PPP4R1: variants seen among roughly 807,000 people sequenced by gnomAD.
PPP4R1 encodes protein phosphatase 4 regulatory subunit 1.
PPP4R1 carries 42 observed loss-of-function variants against 111.2 expected under a neutral mutation model. The ratio of observed to expected loss-of-function variants is 0.38; its 90% CI spans 0.29 to 0.49. The LOEUF (loss-of-function observed/expected upper bound fraction) is 0.49, where lower values mean the gene tolerates loss of function less well. PPP4R1 is among the 20% of genes least tolerant of loss of function. The pLI is 0.97. For missense variants in PPP4R1, 1,012 were observed against 1,161.6 expected, an observed-to-expected ratio of 0.87 and a Z score of 1.87; for synonymous variants, 409 against 405.5, an observed-to-expected ratio of 1.01 and a Z score of -0.10.
chr18:9,561,367 T>C (rs1420718943), intron 13 of PPP4R1, among the ~76,000 whole-genome samples: 1 of 152,096 alleles, frequency 6.6e-6, no homozygotes, highest in African/African-American at 2.4e-5. Context: ...CAGTGCCTTC[T>C]TACGATGGAG....
chr18:9,579,335 C>A (rs1174694760), intron 9 of PPP4R1, among the ~76,000 whole-genome samples: 7 of 151,978 alleles, frequency 4.6e-5, no homozygotes, highest in Admixed American at 4.6e-4. Context: ...ACTAAAAAAC[C>A]CACAAGTCAC....
Position 9,584,786 on chromosome 18 carries a change from C to G in PPP4R1, c.628G>C (p.Glu210Gln). 6.2e-7 allele frequency: 1 copy of G among 1,613,506 alleles called. No homozygotes were observed. The change falls in exon 7 of 20, where the codon GAG becomes CAG. Residue 210 changes from glutamate to glutamine, a missense_variant. Physicochemically the swap from Glu to Gln is conservative, Grantham distance 29. Transcript: ENST00000400556. ...MAPMVGKDIT[E>Q]RLILPRFCEM... is the part of the protein sequence containing the mutation. ...CAAAACCTAGGGAGGATAAGACGCT[C>G]TGTAATATCCTTCCCAACCATGGGA... is the stretch of plus-strand genomic sequence containing the variant.
At chr18:9,579,023 A>G (rs1451356143) in intron 9 of PPP4R1, among the ~76,000 whole-genome samples, 1 of 152,208 alleles carries the variant, frequency 6.6e-6, no homozygotes, top group Non-Finnish European at 1.5e-5. Flanking sequence ...ACAGTGTCTA[A>G]TAAGTTAATT....
intron 2 of PPP4R1, among the ~76,000 whole-genome samples, chr18:9,601,479 T>G (rs2067382103): frequency 6.6e-6 from 1 of 152,062 alleles, no homozygotes; most frequent in Non-Finnish European, 1.5e-5. Context: ...TGAGCCAAGA[T>G]GGCACTGCTG....
chr18:9,614,496 C>T lies in PPP4R1; in HGVS notation c.-12G>A. The T allele has an allele frequency of 1.9e-6, 2 of 1,028,680 alleles. No homozygotes were observed. The highest frequency in any genetic ancestry group is 2.3e-6 in the Non-Finnish European group (2 of 859,056). The allele number at this position is 1,028,680 out of a possible 1,614,324, so 63.7% of individuals were successfully genotyped here. ...CACGTACCCGCCATCTTGTGGTCGC[C>T]CCCTCCTCCGCGGCCGCCCGGGGAG... On this transcript the variant is annotated 5_prime_UTR_variant, in exon 1 of 20. Coordinates refer to ENST00000400556, the MANE Select transcript of PPP4R1 (RefSeq NM_001042388.3). This position sits in a 1 kb window ranked among gnomAD's most constrained non-coding sequence, Gnocchi z 4.1.
chr18:9,560,854 C>T (rs2066662504), intron 13 of PPP4R1, among the ~76,000 whole-genome samples: 1 of 147,908 alleles, frequency 6.8e-6, no homozygotes, highest in Non-Finnish European at 1.5e-5. Context: ...AGAGCGGAGA[C>T]CCCATCTCTA....
At chr18:9,602,767 G>A (rs2067411265) in intron 2 of PPP4R1, among the ~76,000 whole-genome samples, 1 of 149,168 alleles carries the variant, frequency 6.7e-6, no homozygotes, top group Admixed American at 6.8e-5. Flanking sequence ...GTTGCAGCGA[G>A]CTGAAATCGC....
intron 15 of PPP4R1, among the ~76,000 whole-genome samples, chr18:9,555,679 A>G (rs1195295396): frequency 1.3e-5 from 2 of 152,212 alleles, no homozygotes; most frequent in African/African-American, 2.4e-5. Flanking sequence ...TGTAAATTCA[A>G]ATTGAGGGTA....
chr18:9,552,241 GGA>G (rs1370218850), intron 16 of PPP4R1, among the ~76,000 whole-genome samples: 1 of 152,114 alleles, frequency 6.6e-6, no homozygotes. Context: ...CAACAGACTT[GGA>G]TAGACATTTC....
At chr18:9,576,645 C>T (rs538333997) in intron 10 of PPP4R1, among the ~76,000 whole-genome samples, 1 of 152,184 alleles carries the variant, frequency 6.6e-6, no homozygotes, top group South Asian at 2.1e-4. Flanking sequence ...GACAATAAAA[C>T]ATATTCCTAA....
intron 4 of PPP4R1, among the ~76,000 whole-genome samples, chr18:9,593,292 A>G (rs1195611756): frequency 2.6e-5 from 4 of 152,140 alleles, no homozygotes; most frequent in African/African-American, 9.6e-5. Context: ...CTAAGCCTTA[A>G]ATCAAGTTTA....
chr18:9,570,064 A>C, intron 11 of PPP4R1, 93 bp downstream of exon 11: 3 of 1,361,698 alleles, frequency 2.2e-6, no homozygotes, highest in Non-Finnish European at 3.0e-6. Flanking sequence ...ATACATTATT[A>C]AATGACAATT....
At chr18:9,549,979 G>A (rs1231051530) in intron 18 of PPP4R1, 73 bp downstream of exon 18, 2 of 1,591,488 alleles carry the variant, frequency 1.3e-6, no homozygotes, top group Admixed American at 1.7e-5. Context: ...GGGTGAGAGA[G>A]AGGTAGGAAG....
At chr18:9,612,124 C>T (rs1294322727) in intron 2 of PPP4R1, among the ~76,000 whole-genome samples, 6 of 152,214 alleles carry the variant, frequency 3.9e-5, no homozygotes, top group Non-Finnish European at 5.9e-5. Context: ...GCTTCCCTTG[C>T]TCTTTTCTCA....
At chr18:9,610,078 G>A (rs1268004395) in intron 2 of PPP4R1, among the ~76,000 whole-genome samples, 2 of 152,172 alleles carry the variant, frequency 1.3e-5, no homozygotes, top group Non-Finnish European at 2.9e-5. Context: ...TTTGATAAAA[G>A]CTTAAGTTCT....
intron 2 of PPP4R1, among the ~76,000 whole-genome samples, chr18:9,608,937 G>A (rs1345609904): frequency 6.6e-6 from 1 of 152,156 alleles, no homozygotes; most frequent in Non-Finnish European, 1.5e-5. Context: ...TCACAGGCAG[G>A]AACAAACAAA....
intron 11 of PPP4R1, among the ~76,000 whole-genome samples, chr18:9,568,289 A>T (rs1408820208): frequency 4.6e-5 from 7 of 152,184 alleles, no homozygotes; most frequent in African/African-American, 1.7e-4. Flanking sequence ...CCTCCCAGGT[A>T]GCTGAGATTA....
chr18:9,584,642 C>T, intron 7 of PPP4R1, 62 bp from the exon 8 acceptor site: 1 of 1,600,692 alleles, frequency 6.2e-7, no homozygotes, highest in African/African-American at 1.3e-5. Context: ...CTAAGATAAT[C>T]TTTTAAATAT....
At chr18:9,594,909 T>C in intron 3 of PPP4R1, 109 bp downstream of exon 3, 1 of 1,313,590 alleles carries the variant, frequency 7.6e-7, no homozygotes, top group Non-Finnish European at 1.0e-6. Flanking sequence ...GTGACTCAGA[T>C]TGTGCCTGTT....
Sources: gnomAD v4.1 joint callset for allele counts (sites outside exome capture counted in the v4.1 genomes callset) on GRCh38, gnomAD v4.1.1 for gene constraint, Gnocchi (gnomAD v3.1) non-coding constraint, MANE v1.5 for transcripts, NCBI Gene and HGNC (gene_info 2026-07-23, HGNC 2026-07-21) for gene names.